NPAS3: variants seen among roughly 807,000 people sequenced by gnomAD.
The protein encoded by NPAS3 is neuronal PAS domain protein 3, also known as neuronal PAS domain-containing protein 3.
In NPAS3, 14 loss-of-function variants were observed where a neutral mutation model predicts 73.1. The observed-to-expected ratio is 0.19, with a 90% CI of 0.13 to 0.30. The LOEUF (loss-of-function observed/expected upper bound fraction) is 0.30. Among genes scored for constraint, NPAS3 ranks in the 10% least tolerant of loss-of-function variants. NPAS3 has a pLI of 1.00. For synonymous variants in NPAS3, 620 were observed against 541.5 expected, an observed-to-expected ratio of 1.14 and a Z score of -2.01; for missense variants, 1,096 against 1,250.0, an observed-to-expected ratio of 0.88 and a Z score of 1.86.
chr14:32,943,663 CT>C (rs1157998642), intron 1 of NPAS3, among the ~76,000 whole-genome samples: 2 of 145,318 alleles, frequency 1.4e-5, no homozygotes, highest in Admixed American at 6.9e-5. Flanking sequence ...TTGGGGATTT[CT>C]TTTTTGTTTC....
At chr14:33,377,789 A>G (rs2140464177) in intron 4 of NPAS3, among the ~76,000 whole-genome samples, 1 of 152,302 alleles carries the variant, frequency 6.6e-6, no homozygotes, top group South Asian at 2.1e-4. Context: ...GGGACTTTCT[A>G]GTTGCAAAAT....
chr14:33,711,928 G>A (rs1395277688), intron 6 of NPAS3, among the ~76,000 whole-genome samples: 2 of 152,046 alleles, frequency 1.3e-5, no homozygotes, highest in Admixed American at 6.6e-5. Flanking sequence ...GTAACAGTCT[G>A]GCTTCTACCC....
At chr14:32,937,703 G>T (rs1032514442), upstream of NPAS3, among the ~76,000 whole-genome samples, 1 of 152,142 alleles carries the variant, frequency 6.6e-6, no homozygotes, top group Non-Finnish European at 1.5e-5. Flanking sequence ...CCCTTTTCAG[G>T]TCTTTATTTT....
intron 2 of NPAS3, among the ~76,000 whole-genome samples, chr14:33,212,077 A>G (rs1004636200): frequency 6.6e-6 from 1 of 152,236 alleles, no homozygotes; most frequent in African/African-American, 2.4e-5. Flanking sequence ...GGGTTTTAAT[A>G]TAGTTCTTAA....
intron 2 of NPAS3, among the ~76,000 whole-genome samples, chr14:33,151,146 G>A (rs1207943742): frequency 6.6e-6 from 1 of 152,178 alleles, no homozygotes; most frequent in African/African-American, 2.4e-5. Context: ...ATGCCATTCA[G>A]AGGCATAACC....
At chr14:33,631,961 T>C (rs974250083) in intron 5 of NPAS3, among the ~76,000 whole-genome samples, 7 of 152,204 alleles carry the variant, frequency 4.6e-5, no homozygotes, top group African/African-American at 1.4e-4. Flanking sequence ...GGGCACTGAA[T>C]CCTCTTCCTT....
intron 4 of NPAS3, among the ~76,000 whole-genome samples, chr14:33,410,231 C>G (rs981230479): frequency 5.3e-5 from 8 of 152,056 alleles, no homozygotes; most frequent in African/African-American, 1.9e-4. Context: ...GTTTTTCTGC[C>G]TACAGTTACA....
rs1594711549 is a variant in NPAS3 at position 33,331,957 on chromosome 14, A to AATGAT, written c.386-35227_386-35223dup. 3.9e-5 allele frequency among the ~76,000 whole-genome samples: 6 copies of AATGAT among 152,202 alleles called. No homozygotes were observed. In the East Asian group the frequency reaches 1.2e-3, roughly 29 times the overall value. Reference sequence around the variant, plus strand: ...TATGCCAAGACGAAATGCTCATCGTAATGATACCTTTAGAAACCTGGGGAA... The same window carrying AATGAT: ...TATGCCAAGACGAAATGCTCATCGTAATGATATGATACCTTTAGAAACCTGGGGAA... On this transcript the variant is annotated intron_variant, in intron 3 of 11. Transcript: ENST00000356141.
At chr14:33,190,675 T>C (rs1462179747) in intron 2 of NPAS3, among the ~76,000 whole-genome samples, 1 of 152,202 alleles carries the variant, frequency 6.6e-6, no homozygotes, top group Non-Finnish European at 1.5e-5. Context: ...TTCCTAGTCA[T>C]ACCAGAAGAC....
intron 6 of NPAS3, among the ~76,000 whole-genome samples, chr14:33,683,922 G>GTTAA (rs1332484971): frequency 1.3e-5 from 2 of 152,170 alleles, no homozygotes; most frequent in African/African-American, 2.4e-5. Flanking sequence ...AATTACAGGA[G>GTTAA]TTAATTCACA....
intron 11 of NPAS3, among the ~76,000 whole-genome samples, chr14:33,798,242 T>G (rs1196987027): frequency 6.6e-6 from 1 of 152,206 alleles, no homozygotes; most frequent in Non-Finnish European, 1.5e-5. Context: ...CATTTTCATT[T>G]CCTTTGGGGA....
At chr14:33,719,297 T>C (rs1032530530) in intron 6 of NPAS3, among the ~76,000 whole-genome samples, 2 of 152,168 alleles carry the variant, frequency 1.3e-5, no homozygotes, top group African/African-American at 4.8e-5. Flanking sequence ...CAGCAGATTA[T>C]CGAGCATTGC....
At chr14:33,102,743 C>T (rs1215963952) in intron 2 of NPAS3, among the ~76,000 whole-genome samples, 1 of 152,156 alleles carries the variant, frequency 6.6e-6, no homozygotes, top group Non-Finnish European at 1.5e-5. Context: ...ACTATGTGAA[C>T]AAGTGGCTGC....
intron 5 of NPAS3, among the ~76,000 whole-genome samples, chr14:33,670,424 A>G (rs1313406321): frequency 6.6e-6 from 1 of 152,206 alleles, no homozygotes; most frequent in African/African-American, 2.4e-5. Flanking sequence ...ATAGAATGAG[A>G]CAGAGCAGTA....
intron 9 of NPAS3, among the ~76,000 whole-genome samples, chr14:33,789,284 C>T (rs574993756): frequency 3.9e-5 from 6 of 152,308 alleles, no homozygotes; most frequent in African/African-American, 1.4e-4. Context: ...CAGCTTATAA[C>T]TCTAAAGCTC....
rs147476537 is a variant in NPAS3, at chr14:33,640,576, T to A, written c.559-35635T>A. On this transcript the variant is annotated intron_variant, in intron 5 of 11. Coordinates refer to ENST00000356141, the Ensembl canonical transcript of NPAS3. ...ACTCCATTTGATTTCAACCATGATA[T>A]CTATATATAAATTGATCATGAAAAT... 4.3e-4 allele frequency among the ~76,000 whole-genome samples: 65 copies of A among 152,336 alleles called. No homozygotes were observed. The East Asian group carries it at 0.01, about 24-fold the overall frequency.
rs559179003 is a variant in NPAS3, at chr14:33,746,502, CT to C, written c.852+11183del. ...ACACCCGGCCCTCTACTGACTCATTCTTTTTTTTTTTTTATGATGTATTTAT... is the reference window on the plus strand; with the variant it reads ...ACACCCGGCCCTCTACTGACTCATTCTTTTTTTTTTTTATGATGTATTTAT... On this transcript the variant is annotated intron_variant, in intron 7 of 11. Coordinates refer to ENST00000356141, the Ensembl canonical transcript of NPAS3. Among the ~76,000 whole-genome samples the C allele has an allele frequency of 5.0e-3, 706 of 140,060 alleles. 4 individuals are homozygous for C. The highest frequency in any genetic ancestry group is 0.025 in the South Asian group (110 of 4,442). The allele number at this position is 140,060 out of a possible 152,430, so 91.9% of individuals were successfully genotyped here.
At chr14:33,778,440 T>C in intron 8 of NPAS3, 26 bp from the exon 9 acceptor site, 1 of 1,485,102 alleles carries the variant, frequency 6.7e-7, no homozygotes, top group Non-Finnish European at 9.4e-7. Context: ...CTTTCTGAAT[T>C]CCAGCCTGTG....
At chr14:33,090,287 T>TA (rs36014245) in intron 2 of NPAS3, among the ~76,000 whole-genome samples, 66,835 of 151,890 alleles carry the variant, frequency 0.44, 16,373 homozygotes, top group African/African-American at 0.67. Flanking sequence ...AGGCTCAAAA[T>TA]AAAGGATGGA....
Sources: gnomAD v4.1 joint callset for allele counts (sites outside exome capture counted in the v4.1 genomes callset) on GRCh38, gnomAD v4.1.1 for gene constraint, MANE v1.5 for transcripts, NCBI Gene and HGNC (gene_info 2026-07-23, HGNC 2026-07-21) for gene names.